Variants in FOXP2 observed in about 807,000 individuals in gnomAD.
FOXP2 encodes forkhead box protein P2.
A neutral mutation model predicts 115.8 loss-of-function variants in FOXP2; 12 were observed. The observed-to-expected ratio is 0.10, with a 90% CI of 0.07 to 0.17. FOXP2 has a LOEUF of 0.17. FOXP2 is among the 10% of genes least tolerant of loss of function. The pLI, the probability that FOXP2 is intolerant of heterozygous loss-of-function variation, is 1.00. For missense variants in FOXP2, 629 were observed against 843.5 expected (o/e 0.75, Z 3.15); for synonymous variants, 328 against 297.7 (o/e 1.10, Z -1.05).
chr7:114,565,002 C>T (rs182652605), intron 3 of FOXP2, among the ~76,000 whole-genome samples: 2 of 151,314 alleles, frequency 1.3e-5, no homozygotes. Context: ...TAATAAATAG[C>T]ATTAATATTT....
At chr7:114,677,296 A>G (rs1368000668) in intron 16 of FOXP2, among the ~76,000 whole-genome samples, 1 of 152,212 alleles carries the variant, frequency 6.6e-6, no homozygotes, top group East Asian at 1.9e-4. Context: ...TGAGTCTCTC[A>G]TAAGTGATGA....
In FOXP2 at chr7:114,628,691, C is replaced by T. The variant is rs1282708915; in HGVS notation, c.396+14C>T. 4 of 1,613,748 alleles carry T rather than the reference C, an allele frequency of 2.5e-6. No individual in the cohort carries two copies. Among genetic ancestry groups the T allele is most frequent in the South Asian group, 1.1e-5 (1 of 91,086 alleles). The stretch of plus-strand genomic sequence containing the variant: ...ATGCTGCAGCAGGTAATGTGGGTTA[C>T]CTGCTTTGGTGTTCTAGCATGACTT... On this transcript the variant is annotated intron_variant, in intron 4 of 16. Coordinates refer to ENST00000350908, the MANE Select transcript of FOXP2 (RefSeq NM_014491.4).
At chr7:114,560,160 G>T (rs544574204) in intron 3 of FOXP2, among the ~76,000 whole-genome samples, 1 of 152,080 alleles carries the variant, frequency 6.6e-6, no homozygotes, top group African/African-American at 2.4e-5. Context: ...AATAAAATAT[G>T]CAAACACCCA....
intron 3 of FOXP2, among the ~76,000 whole-genome samples, chr7:114,579,349 A>G (rs2129300444): frequency 6.6e-6 from 1 of 152,318 alleles, no homozygotes; most frequent in Non-Finnish European, 1.5e-5. Context: ...TATTCATAGC[A>G]CTAGTGATAG....
At chr7:114,465,640 CA>C (rs1795768214) in intron 2 of FOXP2, among the ~76,000 whole-genome samples, 1 of 152,082 alleles carries the variant, frequency 6.6e-6, no homozygotes, top group Non-Finnish European at 1.5e-5. Flanking sequence ...TTTGAATATC[CA>C]ATTAGCAGGG....
chr7:114,327,656 C>G (rs1797592886), intron 2 of FOXP2, among the ~76,000 whole-genome samples: 1 of 151,836 alleles, frequency 6.6e-6, no homozygotes, highest in Admixed American at 6.6e-5. Context: ...CATGCACCAC[C>G]ATGCCCAGCT....
intron 2 of FOXP2, among the ~76,000 whole-genome samples, chr7:114,350,948 T>C (rs921005535): frequency 2.0e-5 from 3 of 152,188 alleles, no homozygotes; most frequent in African/African-American, 7.2e-5. Context: ...TTTGTATATA[T>C]TTCATCATCT....
At chr7:114,475,472 T>C (rs1271933897) in intron 2 of FOXP2, among the ~76,000 whole-genome samples, 5 of 152,170 alleles carry the variant, frequency 3.3e-5, no homozygotes, top group African/African-American at 1.2e-4. Flanking sequence ...ATATGTTATA[T>C]GGGGCCCCTT....
chr7:114,512,919 C>T (rs113503202), intron 2 of FOXP2, among the ~76,000 whole-genome samples: 3,946 of 151,708 alleles, frequency 0.026, 173 homozygotes, highest in African/African-American at 0.087. Context: ...CCGTTTCTAC[C>T]AAAAATACAA....
chr7:114,584,180 T>A lies in FOXP2; in HGVS notation c.259-44360T>A, dbSNP rs930610446. Reference sequence around the variant, plus strand: ...GGGCTCTCTGACTCTAAGATCTGACTTTTACATCACACCATCTATGGCATT... The same window carrying A: ...GGGCTCTCTGACTCTAAGATCTGACATTTACATCACACCATCTATGGCATT... On this transcript the variant is annotated intron_variant, in intron 3 of 16. Coordinates refer to ENST00000350908, the MANE Select transcript of FOXP2 (RefSeq NM_014491.4). 2.0e-5 allele frequency among the ~76,000 whole-genome samples: 3 copies of A among 152,220 alleles called. No individual in the cohort carries two copies. The South Asian group carries it at 6.2e-4, about 32-fold the overall frequency.
intron 16 of FOXP2, among the ~76,000 whole-genome samples, chr7:114,684,251 G>C (rs1404906959): frequency 1.3e-5 from 2 of 152,136 alleles, no homozygotes; most frequent in African/African-American, 4.8e-5. Context: ...AACCCAGAAA[G>C]GTTAACCCAA....
chr7:114,450,346 G>A (rs1795018779), intron 2 of FOXP2, among the ~76,000 whole-genome samples: 1 of 152,080 alleles, frequency 6.6e-6, no homozygotes. Context: ...GGCTAGGAAA[G>A]TGATGAACTT....
chr7:114,543,130 A>G (rs1799761123), intron 3 of FOXP2, among the ~76,000 whole-genome samples: 1 of 152,158 alleles, frequency 6.6e-6, no homozygotes, highest in African/African-American at 2.4e-5. Flanking sequence ...AAAATCATAT[A>G]AGCTCATTAC....
chr7:114,243,232 C>A (rs1279870154), intron 1 of FOXP2, among the ~76,000 whole-genome samples: 1 of 139,276 alleles, frequency 7.2e-6, no homozygotes, highest in Non-Finnish European at 1.5e-5. Context: ...GCACAACACA[C>A]TGAAAATAAA....
intron 6 of FOXP2, among the ~76,000 whole-genome samples, chr7:114,640,042 G>C (rs1805438870): frequency 6.6e-6 from 1 of 152,130 alleles, no homozygotes; most frequent in Non-Finnish European, 1.5e-5. Flanking sequence ...CTATAGCTGT[G>C]ATCCAGGCAA....
chr7:114,643,207 C>T (rs1165803756), intron 7 of FOXP2, among the ~76,000 whole-genome samples: 1 of 151,988 alleles, frequency 6.6e-6, no homozygotes, highest in Non-Finnish European at 1.5e-5. Flanking sequence ...TTCATGAGTG[C>T]ATGTGGAATG....
chr7:114,226,213 T>C (rs536479239), intron 1 of FOXP2, among the ~76,000 whole-genome samples: 4 of 152,322 alleles, frequency 2.6e-5, no homozygotes, highest in African/African-American at 9.6e-5. Flanking sequence ...TCTTAATAAA[T>C]TCTATTTTGA....
intron 2 of FOXP2, among the ~76,000 whole-genome samples, chr7:114,457,680 C>T (rs1042182920): frequency 2.0e-5 from 3 of 152,048 alleles, no homozygotes; most frequent in East Asian, 3.9e-4. Context: ...GGGCAGATCA[C>T]GAGGTCAGGA....
At chr7:114,424,364 CAAT>C (rs1400631356) in intron 1 of FOXP2, among the ~76,000 whole-genome samples, 1 of 151,338 alleles carries the variant, frequency 6.6e-6, no homozygotes, top group African/African-American at 2.4e-5. Context: ...CATCCAGAAA[CAAT>C]AAATATTTCA....
Sources: allele counts gnomAD v4.1 joint callset (sites outside exome capture counted in the v4.1 genomes callset), GRCh38; gene constraint gnomAD v4.1.1; transcripts MANE v1.5; gene names NCBI Gene and HGNC (gene_info 2026-07-23, HGNC 2026-07-21).